Variants in GBE1 observed in about 807,000 individuals in gnomAD.
GBE1 encodes the protein 1,4-alpha-glucan branching enzyme 1.
In GBE1, 70 loss-of-function variants were observed where a neutral mutation model predicts 88.8. The observed-to-expected ratio is 0.79, with a 90% CI of 0.65 to 0.96. The LOEUF (loss-of-function observed/expected upper bound fraction) is 0.96. Ranked by LOEUF, GBE1 falls within the 40% of genes least tolerant of loss-of-function variation. The probability of loss-of-function intolerance (pLI) is 0.00; values close to 1 mark genes in which losing one functional copy is unlikely to be tolerated. For missense variants in GBE1, 872 were observed against 871.0 expected, an observed-to-expected ratio of 1.00 and a Z score of -0.01; for synonymous variants, 284 against 300.1, an observed-to-expected ratio of 0.95 and a Z score of 0.56.
At position 81,631,477 on chromosome 3, in the gene GBE1, C is replaced by T. The variant is rs1173503012; in HGVS notation, c.992+11304G>A. Among the ~76,000 whole-genome samples the T allele has an allele frequency of 2.6e-5, 4 of 152,096 alleles. No individual in the cohort carries two copies. In the South Asian group the frequency reaches 6.2e-4, roughly 24 times the overall value. Reference sequence around the variant, plus strand: ...AATGACCAGGCGTGGTGGCTCACACCTGTAATCCCAGCACTTTGGAAGGCC... The same window carrying T: ...AATGACCAGGCGTGGTGGCTCACACTTGTAATCCCAGCACTTTGGAAGGCC... On this transcript the variant is annotated intron_variant, in intron 7 of 15. Coordinates refer to ENST00000429644, the MANE Select transcript of GBE1 (RefSeq NM_000158.4).
chr3:81,563,124 C>A (rs1476741897), intron 12 of GBE1, among the ~76,000 whole-genome samples: 1 of 152,042 alleles, frequency 6.6e-6, no homozygotes, highest in East Asian at 1.9e-4. Context: ...TCCTTCCAGC[C>A]TGCATGAATA....
intron 8 of GBE1, among the ~76,000 whole-genome samples, chr3:81,592,921 T>C (rs992091445): frequency 1.5e-4 from 23 of 152,332 alleles, no homozygotes; most frequent in South Asian, 4.1e-4. Context: ...GTGGGCAGCA[T>C]CATGAGTAAG....
chr3:81,566,081 G>C (rs913689968), intron 12 of GBE1, among the ~76,000 whole-genome samples: 2 of 152,188 alleles, frequency 1.3e-5, no homozygotes, highest in Non-Finnish European at 2.9e-5. Flanking sequence ...GCCAGGCACT[G>C]ATAGTTGAAC....
intron 12 of GBE1, among the ~76,000 whole-genome samples, chr3:81,565,498 C>T (rs1464659302): frequency 6.6e-6 from 1 of 152,114 alleles, no homozygotes; most frequent in Non-Finnish European, 1.5e-5. Context: ...TCTAATGTAG[C>T]GATCAACAAA....
chr3:81,523,666 T>A (rs747514620), intron 14 of GBE1, among the ~76,000 whole-genome samples: 16 of 151,746 alleles, frequency 1.1e-4, no homozygotes, highest in Non-Finnish European at 2.4e-4. Context: ...CTCCAGCCTC[T>A]GGTAACCATC....
intron 14 of GBE1, among the ~76,000 whole-genome samples, chr3:81,509,888 A>G (rs749115145): frequency 6.6e-6 from 1 of 152,026 alleles, no homozygotes; most frequent in Non-Finnish European, 1.5e-5. Flanking sequence ...TTATAACAGA[A>G]TATTTATAAT....
intron 4 of GBE1, 65 bp downstream of exon 4, chr3:81,649,731 A>G (rs1391426642): frequency 6.5e-6 from 9 of 1,376,780 alleles, no homozygotes; most frequent in Non-Finnish European, 1.0e-6. Flanking sequence ...AAAGTTATAA[A>G]AGTAAAAATT....
chr3:81,707,384 G>A (rs1705792457), intron 1 of GBE1, among the ~76,000 whole-genome samples: 1 of 151,874 alleles, frequency 6.6e-6, no homozygotes, highest in Non-Finnish European at 1.5e-5. Flanking sequence ...TTGAGTTTTA[G>A]TCAATGACAC....
chr3:81,677,563 C>T (rs1487619462), intron 2 of GBE1, among the ~76,000 whole-genome samples: 1 of 152,142 alleles, frequency 6.6e-6, no homozygotes, highest in Admixed American at 6.5e-5. Flanking sequence ...AAGGAAGAAT[C>T]TTGTCATAAA....
chr3:81,502,143 A>G (rs549017056), intron 14 of GBE1, among the ~76,000 whole-genome samples: 11 of 152,134 alleles, frequency 7.2e-5, no homozygotes, highest in Non-Finnish European at 1.3e-4. Context: ...TTTTCCCACA[A>G]TAAAGTACAG....
chr3:81,681,282 A>G lies in GBE1; in HGVS notation c.314-10329T>C, dbSNP rs893662449. On this transcript the variant is annotated intron_variant, in intron 2 of 15. Transcript: ENST00000429644. The stretch of plus-strand genomic sequence containing the variant: ...TAGCTAGCTATCCATTTCAACAAAC[A>G]TTTGGGGGCCAGTAGGGGGGCTCTT... Among the ~76,000 whole-genome samples, 16 of 152,184 alleles carry G rather than the reference A, an allele frequency of 1.1e-4. 1 individual carries two copies. Among genetic ancestry groups the G allele is most frequent in the African/African-American group, 3.9e-4 (16 of 41,530 alleles).
chr3:81,556,160 T>C (rs963861869), intron 12 of GBE1, among the ~76,000 whole-genome samples: 4 of 152,032 alleles, frequency 2.6e-5, no homozygotes, highest in Non-Finnish European at 4.4e-5. Context: ...GTAAGAAACC[T>C]GGGTAGTGCA....
At chr3:81,624,971 A>T (rs890169004) in intron 7 of GBE1, among the ~76,000 whole-genome samples, 8 of 152,072 alleles carry the variant, frequency 5.3e-5, no homozygotes, top group Non-Finnish European at 1.0e-4. Context: ...AGCAGGGAAA[A>T]GAGCCAACCA....
chr3:81,665,191 G>A (rs1301088801), intron 3 of GBE1, among the ~76,000 whole-genome samples: 1 of 152,104 alleles, frequency 6.6e-6, no homozygotes, highest in East Asian at 1.9e-4. Flanking sequence ...AGTTCTTTAA[G>A]TAATTTATGA....
At chr3:81,533,161 T>G (rs776772919) in intron 14 of GBE1, among the ~76,000 whole-genome samples, 9 of 152,092 alleles carry the variant, frequency 5.9e-5, no homozygotes, top group Non-Finnish European at 1.2e-4. Context: ...TTTGATTATA[T>G]TGCACTACCA....
Position 81,750,675 on chromosome 3 carries a change from GTA to G in GBE1, c.143+10698_143+10699del, listed in dbSNP as rs1187869776. Among the ~76,000 whole-genome samples, 34 of 55,008 alleles carry G rather than the reference GTA, an allele frequency of 6.2e-4. 5 individuals carry two copies. The highest frequency in any genetic ancestry group is 2.0e-3 in the African/African-American group (16 of 7,990). The allele number at this position is 55,008 out of a possible 152,430, so 36.1% of individuals were successfully genotyped here. ...TATATATATGTATATATATATATAC[GTA>G]TATATATATATATATATGTATTTTT... is the stretch of plus-strand genomic sequence containing the variant. On this transcript the variant is annotated intron_variant, in intron 1 of 15. Coordinates refer to ENST00000429644, the MANE Select transcript of GBE1 (RefSeq NM_000158.4).
At chr3:81,657,144 A>AAC (rs1311321705) in intron 3 of GBE1, among the ~76,000 whole-genome samples, 5 of 151,356 alleles carry the variant, frequency 3.3e-5, no homozygotes, top group African/African-American at 1.2e-4. Flanking sequence ...CAAAAAAAAA[A>AAC]AAAACAAAAC....
chr3:81,694,741 C>T (rs749126180), intron 2 of GBE1, among the ~76,000 whole-genome samples: 4 of 152,268 alleles, frequency 2.6e-5, no homozygotes, highest in East Asian at 1.9e-4. Context: ...CCCAGTGTAA[C>T]GCCTATGTGA....
chr3:81,718,685 G>A (rs958517200), intron 1 of GBE1, among the ~76,000 whole-genome samples: 1 of 152,102 alleles, frequency 6.6e-6, no homozygotes, highest in South Asian at 2.1e-4. Flanking sequence ...TGCCCAGGCT[G>A]GAGTGAAATG....
Sources: gnomAD v4.1 joint callset for allele counts (sites outside exome capture counted in the v4.1 genomes callset) on GRCh38, gnomAD v4.1.1 for gene constraint, MANE v1.5 for transcripts, NCBI Gene and HGNC (gene_info 2026-07-23, HGNC 2026-07-21) for gene names.